The following GUCY1A2 variants were observed in gnomAD, a reference collection of about 807,000 sequenced individuals.
The protein encoded by GUCY1A2 is guanylate cyclase 1 soluble subunit alpha 2, also known as guanylate cyclase soluble subunit alpha-2.
In GUCY1A2, 27 loss-of-function variants were observed where a neutral mutation model predicts 63.5. That is an observed-to-expected ratio of 0.43 (90% CI 0.31 to 0.59). GUCY1A2 has a LOEUF of 0.59. GUCY1A2 is among the 20% of genes least tolerant of loss of function. The pLI is 0.11. For synonymous variants in GUCY1A2, 364 were observed against 343.5 expected (o/e 1.06, Z -0.66); for missense variants, 768 against 913.3 (o/e 0.84, Z 2.05).
intron 1 of GUCY1A2, among the ~76,000 whole-genome samples, chr11:107,006,248 G>A (rs1861669963): frequency 6.6e-6 from 1 of 152,184 alleles, no homozygotes; most frequent in Non-Finnish European, 1.5e-5. Context: ...GCAGAACAAG[G>A]AAGTCATGAG....
chr11:106,764,960 C>T (rs967928666), intron 6 of GUCY1A2, among the ~76,000 whole-genome samples: 25 of 66,932 alleles, frequency 3.7e-4, no homozygotes, highest in Non-Finnish European at 9.8e-5. Flanking sequence ...ACTTACTTTG[C>T]AGATTTTTTT....
chr11:106,987,974 A>G (rs1349344239), intron 1 of GUCY1A2, among the ~76,000 whole-genome samples: 3 of 152,192 alleles, frequency 2.0e-5, no homozygotes, highest in Non-Finnish European at 4.4e-5. Context: ...ATCAGCTTCC[A>G]AGTGTTCAAA....
Position 107,017,875 on chromosome 11 carries a change from G to T in GUCY1A2, c.181C>A (p.Pro61Thr). The T allele has an allele frequency of 8.0e-7, 1 of 1,250,844 alleles. No homozygotes were observed. The highest frequency in any genetic ancestry group is 1.0e-6 in the Non-Finnish European group (1 of 995,746). The allele number at this position is 1,250,844 out of a possible 1,614,324, so 77.5% of individuals were successfully genotyped here. The change falls in exon 1 of 8, where the codon CCG becomes ACG. Residue 61 changes from proline (P) to threonine (T), a missense_variant. Physicochemically the swap from Pro to Thr is conservative, Grantham distance 38. This residue lies in a region of GUCY1A2 where 496 missense variants were observed against 486.9 expected (regional missense o/e 1.02). Transcript: ENST00000526355. ...AAAAAAAAPA[P>T]TPAASAAAAA... is the part of the protein sequence containing the mutation. ...GCGGCGGCAGAAGCAGCCGGGGTCG[G>T]GGCCGGGGCGGCGGCAGCGGCAGCT... is the stretch of plus-strand genomic sequence containing the variant.
intron 4 of GUCY1A2, among the ~76,000 whole-genome samples, chr11:106,888,327 T>C (rs1591315066): frequency 6.7e-6 from 1 of 148,386 alleles, no homozygotes; most frequent in South Asian, 2.1e-4. Context: ...TAGCCGGGCG[T>C]GGTGGCGGGT....
chr11:106,989,393 T>C (rs981374732), intron 1 of GUCY1A2, among the ~76,000 whole-genome samples: 12 of 152,186 alleles, frequency 7.9e-5, no homozygotes, highest in African/African-American at 2.9e-4. Context: ...TTTTTATTAT[T>C]ATACTTTAAG....
intron 4 of GUCY1A2, among the ~76,000 whole-genome samples, chr11:106,899,165 G>A (rs965210593): frequency 2.0e-5 from 3 of 152,102 alleles, no homozygotes; most frequent in Admixed American, 1.3e-4. Context: ...CCCCCAAAGT[G>A]AGAAATTTTT....
intron 4 of GUCY1A2, among the ~76,000 whole-genome samples, chr11:106,834,590 T>C (rs1019872414): frequency 6.6e-6 from 1 of 151,986 alleles, no homozygotes; most frequent in Non-Finnish European, 1.5e-5. Context: ...CTTCTGGCAG[T>C]AGGCTGGAAG....
intron 7 of GUCY1A2, among the ~76,000 whole-genome samples, chr11:106,705,513 G>A (rs562867826): frequency 2.0e-5 from 3 of 152,064 alleles, no homozygotes; most frequent in Non-Finnish European, 4.4e-5. Context: ...ATTAAAACAT[G>A]TAAAATAAAA....
At chr11:106,826,815 A>G in intron 4 of GUCY1A2, 1 of 1,609,038 alleles carries the variant, frequency 6.2e-7, no homozygotes, top group African/African-American at 1.3e-5. Flanking sequence ...AGGATGTAGT[A>G]CAGATGTCAC....
intron 4 of GUCY1A2, 82 bp downstream of exon 4, chr11:106,939,378 C>G (rs1214457680): frequency 5.4e-6 from 4 of 738,588 alleles, no homozygotes; most frequent in Non-Finnish European, 9.2e-6. Flanking sequence ...TAAATAATTA[C>G]AAGTACAGCC....
intron 4 of GUCY1A2, among the ~76,000 whole-genome samples, chr11:106,854,519 C>A (rs529886297): frequency 1.3e-5 from 2 of 152,224 alleles, no homozygotes; most frequent in East Asian, 3.9e-4. Flanking sequence ...TGGGCTGATC[C>A]TCAGGCTTCA....
intron 5 of GUCY1A2, among the ~76,000 whole-genome samples, chr11:106,785,417 T>C (rs1442944473): frequency 6.6e-6 from 1 of 151,906 alleles, no homozygotes; most frequent in Non-Finnish European, 1.5e-5. Context: ...GGCAAGGGGG[T>C]ATCTGTAACT....
At chr11:106,803,554 G>A (rs771534327) in intron 5 of GUCY1A2, among the ~76,000 whole-genome samples, 3 of 151,886 alleles carry the variant, frequency 2.0e-5, no homozygotes, top group Non-Finnish European at 2.9e-5. Flanking sequence ...ACAGACACAC[G>A]CGCTTCCCAT....
chr11:106,785,682 T>A (rs996626391), intron 5 of GUCY1A2, among the ~76,000 whole-genome samples: 4 of 152,076 alleles, frequency 2.6e-5, no homozygotes, highest in African/African-American at 9.7e-5. Flanking sequence ...ACAACCTGCA[T>A]AAGAATCACC....
intron 4 of GUCY1A2, among the ~76,000 whole-genome samples, chr11:106,833,531 A>C (rs1179008914): frequency 6.6e-6 from 1 of 152,022 alleles, no homozygotes; most frequent in Non-Finnish European, 1.5e-5. Context: ...CTTACTATCT[A>C]CCGTACTATT....
chr11:106,726,244 G>A (rs962872617), intron 6 of GUCY1A2, among the ~76,000 whole-genome samples: 1 of 151,884 alleles, frequency 6.6e-6, no homozygotes, highest in Non-Finnish European at 1.5e-5. Context: ...GTAAAACCTC[G>A]TCTCTACTAA....
intron 7 of GUCY1A2, among the ~76,000 whole-genome samples, chr11:106,698,296 T>A (rs1366467609): frequency 3.3e-5 from 5 of 150,212 alleles, no homozygotes; most frequent in Non-Finnish European, 5.9e-5. Flanking sequence ...TTTTTTTTTT[T>A]AATTTTAGTA....
chr11:106,838,926 T>G (rs1423938498), intron 4 of GUCY1A2, among the ~76,000 whole-genome samples: 1 of 152,052 alleles, frequency 6.6e-6, no homozygotes, highest in African/African-American at 2.4e-5. Context: ...TTCTGTAGGT[T>G]GCCTGTTCAC....
intron 6 of GUCY1A2, among the ~76,000 whole-genome samples, chr11:106,738,467 A>G (rs1176887404): frequency 1.3e-5 from 2 of 152,148 alleles, no homozygotes; most frequent in African/African-American, 4.8e-5. Context: ...GTCTTTGCCC[A>G]TGCCTATGTC....
Sources: gnomAD v4.1 joint callset for allele counts (sites outside exome capture counted in the v4.1 genomes callset) on GRCh38, gnomAD v4.1.1 for gene constraint, gnomAD v4.1.1 regional missense constraint, MANE v1.5 for transcripts, NCBI Gene and HGNC (gene_info 2026-07-23, HGNC 2026-07-21) for gene names.